ZNF71: variants seen among roughly 807,000 people sequenced by gnomAD.
ZNF71 encodes zinc finger protein 71.
A neutral mutation model predicts 6.7 loss-of-function variants in ZNF71; 3 were observed. That is an observed-to-expected ratio of 0.45 (90% confidence interval 0.20 to 1.16). The LOEUF (loss-of-function observed/expected upper bound fraction) is 1.16. Among genes scored for constraint, ZNF71 ranks in the 50% most tolerant of loss-of-function variants. The pLI, the probability that ZNF71 is intolerant of heterozygous loss-of-function variation, is 0.25. For missense variants in ZNF71, 688 were observed against 728.6 expected, an observed-to-expected ratio of 0.94 and a Z score of 0.64; for synonymous variants, 343 against 311.1, an observed-to-expected ratio of 1.10 and a Z score of -1.08.
At chr19:56,606,725 G>A (rs1288511621) in intron 2 of ZNF71, among the ~76,000 whole-genome samples, 1 of 152,054 alleles carries the variant, frequency 6.6e-6, no homozygotes, top group African/African-American at 2.4e-5. Context: ...CTTCCTCACA[G>A]CATGGCATGT....
At chr19:56,620,192 G>T (rs1254005010) in intron 3 of ZNF71, among the ~76,000 whole-genome samples, 1 of 152,188 alleles carries the variant, frequency 6.6e-6, no homozygotes, top group Non-Finnish European at 1.5e-5. Context: ...GGGAGGGCTG[G>T]GGCCAGCCAG....
At chr19:56,602,261 G>C (rs2044676372) in intron 2 of ZNF71, among the ~76,000 whole-genome samples, 1 of 152,172 alleles carries the variant, frequency 6.6e-6, no homozygotes, top group Non-Finnish European at 1.5e-5. Context: ...TATAAACAGT[G>C]TCATGAGGGA....
At chr19:56,608,654 G>C (rs1044546691) in intron 2 of ZNF71, among the ~76,000 whole-genome samples, 1 of 152,076 alleles carries the variant, frequency 6.6e-6, no homozygotes, top group Non-Finnish European at 1.5e-5. Context: ...CACAGTGAAG[G>C]GGCTACATAA....
chr19:56,616,573 G>A (rs1007237436), intron 3 of ZNF71, among the ~76,000 whole-genome samples: 2 of 152,162 alleles, frequency 1.3e-5, no homozygotes, highest in African/African-American at 2.4e-5. Flanking sequence ...TGTCAGCTCC[G>A]GTCACTGTTT....
chr19:56,599,985 A>G (rs1208935641), intron 1 of ZNF71, among the ~76,000 whole-genome samples: 2 of 151,074 alleles, frequency 1.3e-5, no homozygotes, highest in Non-Finnish European at 2.9e-5. Flanking sequence ...CCGGCCAGTT[A>G]TTTTTAAATG....
At chr19:56,596,573 C>T (rs1284738558) in intron 1 of ZNF71, among the ~76,000 whole-genome samples, 2 of 152,166 alleles carry the variant, frequency 1.3e-5, no homozygotes, top group African/African-American at 4.8e-5. Context: ...ATCAGACTCC[C>T]AAAGGGTCTC....
At chr19:56,602,736 A>ATG (rs2044680573) in intron 2 of ZNF71, among the ~76,000 whole-genome samples, 1 of 152,152 alleles carries the variant, frequency 6.6e-6, no homozygotes. Flanking sequence ...ACAGAAGCAA[A>ATG]TGTGTGTGTG....
At chr19:56,600,687 C>T (rs2044664012) in intron 1 of ZNF71, among the ~76,000 whole-genome samples, 1 of 152,094 alleles carries the variant, frequency 6.6e-6, no homozygotes, top group Admixed American at 6.5e-5. Context: ...AACATAATGA[C>T]CTCCAGTTTT....
rs1568510441 is a variant in ZNF71 at position 56,622,539 on chromosome 19, G to T, written c.1432G>T (p.Ala478Ser). 1.9e-6 allele frequency: 3 copies of T among 1,609,636 alleles called. No homozygotes were observed. Among genetic ancestry groups the T allele is most frequent in the African/African-American group, 2.7e-5 (2 of 74,798 alleles). ...CTACGTGTGCGGCGAGTGCGGCAAG[G>T]CCTTCAGCCAGAGCGCCTACCTCAT... ...KPYVCGECGK[A>S]FSQSAYLIEH... is the part of the protein sequence containing the mutation. The change falls in exon 4 of 4, where the codon GCC becomes TCC. Residue 478 changes from alanine (A) to serine (S), a missense_variant. Ala to Ser is a moderately conservative substitution (Grantham distance 99). Transcript: ENST00000599599.
At position 56,598,765 on chromosome 19, in the gene ZNF71, C is replaced by T. The variant is rs559406549; in HGVS notation, c.-52-2742C>T. 1.1e-4 allele frequency among the ~76,000 whole-genome samples: 17 copies of T among 152,162 alleles called. No individual in the cohort carries two copies. Among genetic ancestry groups the T allele is most frequent in the Admixed American group, 5.2e-4 (8 of 15,276 alleles). ...ATGTCTCCGGGGGCAGAATTGTTCCCGATTGAGTTCCAAAGGCTTCTGCCA... is the reference window on the plus strand; with the variant it reads ...ATGTCTCCGGGGGCAGAATTGTTCCTGATTGAGTTCCAAAGGCTTCTGCCA... On this transcript the variant is annotated intron_variant, in intron 1 of 3. Coordinates refer to ENST00000599599, the MANE Select transcript of ZNF71 (RefSeq NM_001370215.1). The surrounding 1 kb of genome is among the most constrained non-coding windows in gnomAD (Gnocchi z 4.2).
In ZNF71 at chr19:56,613,418, G is replaced by A. The variant is rs2044766868; in HGVS notation, c.34-394G>A. ...ATTTTGTGTCTGTATCCCAGCACTG[G>A]GCTTGCTGCCTGGTGCTTAGTAGGG... On this transcript the variant is annotated intron_variant, in intron 2 of 3. Transcript: ENST00000599599. The surrounding 1 kb of genome is among the most constrained non-coding windows in gnomAD (Gnocchi z 4.6). Among the ~76,000 whole-genome samples, 1 of 152,170 alleles carries A rather than the reference G, an allele frequency of 6.6e-6. No individual in the cohort carries two copies. Among genetic ancestry groups the A allele is most frequent in the African/African-American group, 2.4e-5 (1 of 41,452 alleles).
chr19:56,609,321 A>G (rs560891891), intron 2 of ZNF71, among the ~76,000 whole-genome samples: 32 of 152,190 alleles, frequency 2.1e-4, no homozygotes, highest in African/African-American at 7.7e-4. Flanking sequence ...CATCCATATA[A>G]AGTAGACACA....
intron 2 of ZNF71, among the ~76,000 whole-genome samples, chr19:56,607,299 C>T (rs1009336594): frequency 2.0e-5 from 3 of 152,190 alleles, no homozygotes; most frequent in Non-Finnish European, 4.4e-5. Flanking sequence ...GTTGTATGCT[C>T]ATTTTGGGCA....
At position 56,615,349 on chromosome 19, in the gene ZNF71, G is replaced by A. The variant is rs569505299; in HGVS notation, c.160+1411G>A. Among the ~76,000 whole-genome samples, 33 of 152,254 alleles carry A rather than the reference G, an allele frequency of 2.2e-4. No individual in the cohort carries two copies. In the South Asian group the frequency reaches 3.1e-3, roughly 14 times the overall value. ...ACTATTTCACATTTCCACCAGCAGC[G>A]CACAAGCTTCATTCTAATTGCTTTA... On this transcript the variant is annotated intron_variant, in intron 3 of 3. Coordinates refer to ENST00000599599, the MANE Select transcript of ZNF71 (RefSeq NM_001370215.1).
Position 56,622,182 on chromosome 19 carries a change from G to T in ZNF71, c.1075G>T (p.Ala359Ser). 6.2e-7 allele frequency: 1 copy of T among 1,613,610 alleles called. No homozygotes were observed. The highest frequency in any genetic ancestry group is 1.1e-5 in the South Asian group (1 of 91,032). ...CACGCACACCGGGGAGAAGCCGTAC[G>T]CCTGCAAGGAGTGCGGCAAGGCCTT... Reference protein sequence around the residue: ...QRTHTGEKPYACKECGKAFNK... With the variant: ...QRTHTGEKPYSCKECGKAFNK... Residue 359 changes from alanine (A) to serine (S), a missense_variant, in exon 4 of 4, where the codon GCC becomes TCC. Ala to Ser is a moderately conservative substitution (Grantham distance 99). Coordinates refer to ENST00000599599, the MANE Select transcript of ZNF71 (RefSeq NM_001370215.1).
rs983783483 is a variant in ZNF71 at position 56,613,334 on chromosome 19, T to C, written c.34-478T>C. ...CTTTGTTCATACCTTCATGATTGAT[T>C]GCGTTTACCAAATTACGTGTCTTTG... On this transcript the variant is annotated intron_variant, in intron 2 of 3. Coordinates refer to ENST00000599599, the MANE Select transcript of ZNF71 (RefSeq NM_001370215.1). This position sits in a 1 kb window ranked among gnomAD's most constrained non-coding sequence, Gnocchi z 4.6. Among the ~76,000 whole-genome samples the C allele has an allele frequency of 6.6e-6, 1 of 152,224 alleles. No individual in the cohort carries two copies. The highest frequency in any genetic ancestry group is 2.4e-5 in the African/African-American group (1 of 41,456).
Position 56,601,608 on chromosome 19 carries a change from T to C in ZNF71, c.33+17T>C. 2 of 985,818 alleles carry C rather than the reference T, an allele frequency of 2.0e-6. No homozygotes were observed. Among genetic ancestry groups the C allele is most frequent in the Non-Finnish European group, 2.4e-6 (2 of 829,984 alleles). 61.1% of individuals were successfully genotyped at this position (985,818 alleles called of 1,614,324 possible). ...GAGGCACTGGTGAGTCATGTTGCCC[T>C]GTCACTCTCCTTTCCAAAGGCTGGA... On this transcript the variant is annotated intron_variant, in intron 2 of 3. Transcript: ENST00000599599.
At chr19:56,616,137 T>C (rs2148016207) in intron 3 of ZNF71, among the ~76,000 whole-genome samples, 1 of 152,352 alleles carries the variant, frequency 6.6e-6, no homozygotes, top group South Asian at 2.1e-4. Context: ...TCAGAGGTTT[T>C]CTTCTGTAAG....
chr19:56,616,447 T>A (rs2044791811), intron 3 of ZNF71, among the ~76,000 whole-genome samples: 1 of 152,226 alleles, frequency 6.6e-6, no homozygotes, highest in African/African-American at 2.4e-5. Flanking sequence ...TTATGACTTG[T>A]GCCCAGTCTA....
Sources: allele counts gnomAD v4.1 joint callset (sites outside exome capture counted in the v4.1 genomes callset), GRCh38; gene constraint gnomAD v4.1.1; non-coding constraint Gnocchi (gnomAD v3.1); transcripts MANE v1.5; gene names NCBI Gene and HGNC (gene_info 2026-07-23, HGNC 2026-07-21).